The following RMDN1 variants were observed in gnomAD, a reference collection of about 807,000 sequenced individuals.
RMDN1 encodes regulator of microtubule dynamics 1, also known as regulator of microtubule dynamics protein 1.
Under a neutral mutation model 48.9 loss-of-function variants are expected in RMDN1, and 48 were observed. That is an observed-to-expected ratio of 0.98 (90% CI 0.78 to 1.25). The LOEUF (loss-of-function observed/expected upper bound fraction) is 1.25, where lower values mean the gene tolerates loss of function less well. Among genes scored for constraint, RMDN1 ranks in the 50% most tolerant of loss-of-function variants. The pLI, the probability that RMDN1 is intolerant of heterozygous loss-of-function variation, is 0.00. For synonymous variants in RMDN1, 148 were observed against 132.6 expected (o/e 1.12, Z -0.80); for missense variants, 418 against 373.4 (o/e 1.12, Z -0.98).
chr8:86,495,017 C>G, intron 2 of RMDN1: 1 of 349,870 alleles, frequency 2.9e-6, no homozygotes, highest in Non-Finnish European at 5.6e-6. Context: ...TTTATGTCCT[C>G]AAGACACTTT....
intron 7 of RMDN1, 57 bp from the exon 8 acceptor site, chr8:86,477,381 A>C: frequency 7.3e-7 from 1 of 1,368,998 alleles, no homozygotes; most frequent in Non-Finnish European, 1.0e-6. Context: ...AGACAATATT[A>C]AAAAAGCATT....
upstream of RMDN1, among the ~76,000 whole-genome samples, chr8:86,511,909 A>C (rs1413240083): frequency 6.6e-6 from 1 of 152,044 alleles, no homozygotes; most frequent in Non-Finnish European, 1.5e-5. Flanking sequence ...AAATATGAGG[A>C]TCAAAATACA....
chr8:86,494,829 C>T, intron 2 of RMDN1: 1 of 307,662 alleles, frequency 3.3e-6, no homozygotes, highest in Non-Finnish European at 6.4e-6. Flanking sequence ...CAAAAATTAC[C>T]TGGGCATCAT....
At chr8:86,505,670 A>G (rs1239014063) in intron 2 of RMDN1, among the ~76,000 whole-genome samples, 2 of 152,180 alleles carry the variant, frequency 1.3e-5, no homozygotes, top group African/African-American at 4.8e-5. Flanking sequence ...TAATTTTGCC[A>G]AATAATAAAA....
intron 2 of RMDN1, among the ~76,000 whole-genome samples, chr8:86,491,905 C>T (rs1297288006): frequency 6.6e-6 from 1 of 152,168 alleles, no homozygotes; most frequent in Non-Finnish European, 1.5e-5. Context: ...CCTGAGATTT[C>T]TCTATATAAG....
chr8:86,496,976 A>C (rs1817479106), intron 2 of RMDN1, among the ~76,000 whole-genome samples: 1 of 152,200 alleles, frequency 6.6e-6, no homozygotes, highest in Non-Finnish European at 1.5e-5. Context: ...AATAGAAATC[A>C]ATATCAAGAT....
intron 2 of RMDN1, chr8:86,504,844 C>T: frequency 9.3e-7 from 1 of 1,071,852 alleles, no homozygotes; most frequent in Non-Finnish European, 1.5e-6. Context: ...TTCCCCTCTG[C>T]TGCTTATTAT....
intron 2 of RMDN1, among the ~76,000 whole-genome samples, chr8:86,502,511 G>A (rs1249179785): frequency 6.6e-6 from 1 of 152,086 alleles, no homozygotes; most frequent in Non-Finnish European, 1.5e-5. Context: ...CTCCCAAAGT[G>A]CTGGGATTAC....
downstream of RMDN1, chr8:86,468,410 G>A: frequency 2.2e-6 from 1 of 448,876 alleles, no homozygotes; most frequent in South Asian, 1.6e-5. Flanking sequence ...TGAACACTCT[G>A]GTAATTTTCA....
chr8:86,504,862 C>A, intron 2 of RMDN1: 1 of 1,074,850 alleles, frequency 9.3e-7, no homozygotes. Flanking sequence ...TATTTAGGAG[C>A]CTGTATTTTT....
At chr8:86,491,697 G>C (rs1166764575) in intron 2 of RMDN1, among the ~76,000 whole-genome samples, 1 of 152,116 alleles carries the variant, frequency 6.6e-6, no homozygotes, top group Admixed American at 6.6e-5. Context: ...AAACTGTATA[G>C]TGAAATCTTA....
At chr8:86,498,500 T>C (rs36081104) in intron 2 of RMDN1, among the ~76,000 whole-genome samples, 40,241 of 151,982 alleles carry the variant, frequency 0.26, 6,217 homozygotes, top group East Asian at 0.54. Context: ...GCAGATGGGC[T>C]GGGCATGGTG....
intron 5 of RMDN1, chr8:86,482,939 C>G: frequency 1.2e-6 from 1 of 827,364 alleles, no homozygotes; most frequent in East Asian, 2.4e-5. Context: ...GGCAGGTGGG[C>G]TCGGACGAGG....
chr8:86,495,110 A>G, intron 2 of RMDN1: 1 of 272,276 alleles, frequency 3.7e-6, no homozygotes. Flanking sequence ...ACCATCATCG[A>G]GTAGACTGGC....
At chr8:86,508,688 G>A (rs1819839813), upstream of RMDN1, 7 of 1,433,560 alleles carry the variant, frequency 4.9e-6, no homozygotes, top group Admixed American at 6.2e-5. Flanking sequence ...GGCTAAAGGA[G>A]ATTCAATCCT....
At chr8:86,494,010 T>A (rs1477303979) in intron 2 of RMDN1, among the ~76,000 whole-genome samples, 1 of 152,024 alleles carries the variant, frequency 6.6e-6, no homozygotes, top group Non-Finnish European at 1.5e-5. Flanking sequence ...CAAACTCACA[T>A]AGGTAGAGAG....
rs1167446597 is a variant in RMDN1, at chr8:86,474,095, C to T, written c.*213G>A. 7.8e-7 allele frequency: 1 copy of T among 1,281,454 alleles called. No homozygotes were observed. 79.4% of individuals were successfully genotyped at this position (1,281,454 alleles called of 1,614,324 possible). On this transcript the variant is annotated 3_prime_UTR_variant, in exon 10 of 10. Transcript: ENST00000406452. Reference sequence around the variant, plus strand: ...CCAGGATGCAAAATAATCTCTTTGCCTGAGCCATGGAGATTTATTTCTACC... The same window carrying T: ...CCAGGATGCAAAATAATCTCTTTGCTTGAGCCATGGAGATTTATTTCTACC...
chr8:86,483,570 G>A (rs1563604433), intron 5 of RMDN1, among the ~76,000 whole-genome samples: 1 of 152,098 alleles, frequency 6.6e-6, no homozygotes, highest in South Asian at 2.1e-4. Flanking sequence ...TGTGAAACAG[G>A]TAAATTGTTA....
At chr8:86,506,087 C>T (rs1275230004) in intron 2 of RMDN1, among the ~76,000 whole-genome samples, 1 of 152,126 alleles carries the variant, frequency 6.6e-6, no homozygotes, top group Non-Finnish European at 1.5e-5. Flanking sequence ...CCTCACTGGA[C>T]CAAACAACTC....
Sources: allele counts gnomAD v4.1 joint callset (sites outside exome capture counted in the v4.1 genomes callset), GRCh38; gene constraint gnomAD v4.1.1; transcripts MANE v1.5; gene names NCBI Gene and HGNC (gene_info 2026-07-23, HGNC 2026-07-21).